The following NUBPL variants were observed in gnomAD, a reference collection of about 807,000 sequenced individuals.
NUBPL encodes iron-sulfur cluster transfer protein NUBPL.
NUBPL carries 31 observed loss-of-function variants against 45.7 expected under a neutral mutation model. The observed-to-expected ratio is 0.68, with a 90% CI of 0.51 to 0.92. NUBPL has a LOEUF of 0.92. NUBPL is among the 40% of genes least tolerant of loss of function. The probability of loss-of-function intolerance (pLI) is 0.00; values close to 1 mark genes in which losing one functional copy is unlikely to be tolerated. For missense variants in NUBPL, 401 were observed against 398.7 expected (o/e 1.01, Z -0.05); for synonymous variants, 144 against 140.9 (o/e 1.02, Z -0.15).
chr14:31,809,559 A>G (rs1368800513), intron 7 of NUBPL, among the ~76,000 whole-genome samples: 4 of 152,088 alleles, frequency 2.6e-5, no homozygotes, highest in African/African-American at 9.7e-5. Context: ...GATCTTTTCA[A>G]AAAACCAGCT....
intron 6 of NUBPL, among the ~76,000 whole-genome samples, chr14:31,698,619 T>A (rs2037265607): frequency 6.6e-6 from 1 of 152,158 alleles, no homozygotes; most frequent in Non-Finnish European, 1.5e-5. Context: ...GTTAGGGATA[T>A]TGTTATAAAT....
At chr14:31,602,404 A>G (rs200702507) in intron 4 of NUBPL, among the ~76,000 whole-genome samples, 15 of 101,046 alleles carry the variant, frequency 1.5e-4, no homozygotes, top group African/African-American at 6.3e-4. Flanking sequence ...GAAAAAAAAA[A>G]GAAAAAAAAA....
At position 31,826,726 on chromosome 14, in the gene NUBPL, C is replaced by T. The variant is rs1413971530; in HGVS notation, c.693+12C>T. The T allele has an allele frequency of 1.2e-6, 2 of 1,609,706 alleles. No individual in the cohort carries two copies. The highest frequency in any genetic ancestry group is 1.7e-6 in the Non-Finnish European group (2 of 1,176,130). On this transcript the variant is annotated intron_variant, in intron 8 of 10. Coordinates refer to ENST00000281081, the MANE Select transcript of NUBPL (RefSeq NM_025152.3). ...GAGTCCACGTGCCCGTAAGCGTTTACAGCTTCACTGTGAAAAATATAAAAC... is the reference window on the plus strand; with the variant it reads ...GAGTCCACGTGCCCGTAAGCGTTTATAGCTTCACTGTGAAAAATATAAAAC...
chr14:31,812,530 T>C (rs868842466), intron 7 of NUBPL, among the ~76,000 whole-genome samples: 30 of 152,198 alleles, frequency 2.0e-4, no homozygotes, highest in Admixed American at 3.3e-4. Context: ...ATTTTCCCGG[T>C]ACAGTCTGTC....
chr14:31,599,249 G>A (rs1311577453), intron 3 of NUBPL, 40 bp from the exon 4 acceptor site: 2 of 1,426,672 alleles, frequency 1.4e-6, no homozygotes, highest in Admixed American at 1.7e-5. Flanking sequence ...ATGGTAAAGT[G>A]TTTTTGTTTT....
At chr14:31,634,774 T>G (rs1229962525) in intron 4 of NUBPL, among the ~76,000 whole-genome samples, 10 of 151,078 alleles carry the variant, frequency 6.6e-5, no homozygotes, top group Admixed American at 1.3e-4. Context: ...TTTTAATGAT[T>G]GCCATTCTAA....
In NUBPL at chr14:31,793,843, T is replaced by TTA. The variant is rs1555338735; in HGVS notation, c.607+5971_607+5972insAT. Among the ~76,000 whole-genome samples, 287 of 88,006 alleles carry TTA rather than the reference T, an allele frequency of 3.3e-3. 8 individuals carry two copies. The highest frequency in any genetic ancestry group is 0.026 in the African/African-American group (271 of 10,598). The allele number at this position is 88,006 out of a possible 152,430, so 57.7% of individuals were successfully genotyped here. On this transcript the variant is annotated intron_variant, in intron 7 of 10. Coordinates refer to ENST00000281081, the MANE Select transcript of NUBPL (RefSeq NM_025152.3). ...CCTTATCTTTCTTTTTTTTTTTTAT[T>TTA]TTTTTTTTTATTTTTTCCCAATGCT... is the stretch of plus-strand genomic sequence containing the variant.
chr14:31,650,248 G>C (rs558296875), intron 4 of NUBPL, among the ~76,000 whole-genome samples: 2 of 151,646 alleles, frequency 1.3e-5, no homozygotes, highest in South Asian at 4.2e-4. Context: ...TAAAGATAGA[G>C]CCTAACTAAA....
chr14:31,846,756 A>T (rs1452215688), intron 9 of NUBPL, among the ~76,000 whole-genome samples, 165 bp downstream of exon 9: 1 of 152,130 alleles, frequency 6.6e-6, no homozygotes, highest in African/African-American at 2.4e-5. Context: ...GGAGATCGAG[A>T]CCATCCTGGC....
chr14:31,686,018 A>G (rs1219090024), intron 6 of NUBPL, among the ~76,000 whole-genome samples: 1 of 152,320 alleles, frequency 6.6e-6, no homozygotes, highest in East Asian at 1.9e-4. Context: ...ACAATGGTAC[A>G]GAGGCAGTTC....
At chr14:31,697,135 A>C (rs2037231737) in intron 6 of NUBPL, among the ~76,000 whole-genome samples, 1 of 152,216 alleles carries the variant, frequency 6.6e-6, no homozygotes, top group African/African-American at 2.4e-5. Context: ...GAAAGTAATG[A>C]AATAGAGGTC....
intron 4 of NUBPL, among the ~76,000 whole-genome samples, chr14:31,663,996 G>A (rs892915336): frequency 1.3e-5 from 2 of 152,066 alleles, no homozygotes; most frequent in African/African-American, 4.8e-5. Flanking sequence ...GTTCTTTATA[G>A]CAATTATGAA....
chr14:31,750,435 G>A (rs1336522990), intron 6 of NUBPL, among the ~76,000 whole-genome samples: 1 of 149,934 alleles, frequency 6.7e-6, no homozygotes, highest in Admixed American at 6.6e-5. Flanking sequence ...CTGACCTCGT[G>A]ATCCTCCCGC....
intron 6 of NUBPL, among the ~76,000 whole-genome samples, chr14:31,692,579 T>C (rs1391381950): frequency 6.6e-6 from 1 of 152,224 alleles, no homozygotes; most frequent in African/African-American, 2.4e-5. Flanking sequence ...CTTCTGATAA[T>C]GGCATATAAT....
intron 6 of NUBPL, among the ~76,000 whole-genome samples, chr14:31,725,142 G>C (rs1329613809): frequency 6.6e-6 from 1 of 152,088 alleles, no homozygotes; most frequent in Non-Finnish European, 1.5e-5. Flanking sequence ...GGTGGCTTGT[G>C]TAGAGAATTG....
chr14:31,630,727 A>C (rs2035318955), intron 4 of NUBPL, among the ~76,000 whole-genome samples: 1 of 152,188 alleles, frequency 6.6e-6, no homozygotes, highest in African/African-American at 2.4e-5. Flanking sequence ...CCCCTTTACT[A>C]AGGCAATATC....
chr14:31,735,216 T>C lies in NUBPL; in HGVS notation c.514-52564T>C, dbSNP rs143615591. On this transcript the variant is annotated intron_variant, in intron 6 of 10. Coordinates refer to ENST00000281081, the MANE Select transcript of NUBPL (RefSeq NM_025152.3). ...GCTCTAGGTTGATTTCTTTTTGTCA[T>C]TTATGTAGACCTAGTAGATTTCTAT... is the stretch of plus-strand genomic sequence containing the variant. Among the ~76,000 whole-genome samples the C allele has an allele frequency of 6.5e-3, 996 of 152,280 alleles. 14 individuals carry two copies. Among genetic ancestry groups the C allele is most frequent in the African/African-American group, 0.022 (933 of 41,540 alleles).
intron 4 of NUBPL, among the ~76,000 whole-genome samples, chr14:31,637,263 T>C (rs377062531): frequency 2.0e-5 from 3 of 152,248 alleles, no homozygotes; most frequent in African/African-American, 7.2e-5. Context: ...GCTTTGAATG[T>C]GTCCCAGAGA....
At chr14:31,678,017 G>A (rs1190772917) in intron 6 of NUBPL, among the ~76,000 whole-genome samples, 2 of 152,198 alleles carry the variant, frequency 1.3e-5, no homozygotes, top group Non-Finnish European at 2.9e-5. Flanking sequence ...CAAAGCATGA[G>A]GTGCAGTTCT....
Sources: gnomAD v4.1 joint callset for allele counts (sites outside exome capture counted in the v4.1 genomes callset) on GRCh38, gnomAD v4.1.1 for gene constraint, MANE v1.5 for transcripts, NCBI Gene and HGNC (gene_info 2026-07-23, HGNC 2026-07-21) for gene names.